Variants in KYNU observed in about 807,000 individuals in gnomAD.
KYNU encodes kynureninase, also known as L-kynurenine hydrolase.
KYNU carries 54 observed loss-of-function variants against 59.2 expected under a neutral mutation model. That is an observed-to-expected ratio of 0.91 (90% confidence interval 0.73 to 1.14). KYNU has a LOEUF of 1.14. KYNU is among the 50% of genes most tolerant of loss of function. The pLI, the probability that KYNU is intolerant of heterozygous loss-of-function variation, is 0.00. For missense variants in KYNU, 567 were observed against 554.4 expected, an observed-to-expected ratio of 1.02 and a Z score of -0.23; for synonymous variants, 177 against 192.0, an observed-to-expected ratio of 0.92 and a Z score of 0.65.
rs1686372485 is a variant in KYNU at position 143,020,482 on chromosome 2, T to C, written c.903-9145T>C. ...CATTTCTAGTTTTATTCCCTTATGA[T>C]CAGAAAAGATACTTGATATGACTGC... is the stretch of plus-strand genomic sequence containing the variant. On this transcript the variant is annotated intron_variant, in intron 10 of 13. Transcript: ENST00000264170. Among the ~76,000 whole-genome samples the C allele has an allele frequency of 5.3e-5, 8 of 152,162 alleles. 1 individual carries two copies. Among genetic ancestry groups the C allele is most frequent in the Admixed American group, 5.2e-4 (8 of 15,274 alleles).
At chr2:142,903,373 G>A (rs183923993) in intron 2 of KYNU, among the ~76,000 whole-genome samples, 2 of 152,186 alleles carry the variant, frequency 1.3e-5, no homozygotes, top group African/African-American at 4.8e-5. Context: ...CTTTTCCTAT[G>A]TTCAGGTGTA....
intron 13 of KYNU, among the ~76,000 whole-genome samples, chr2:143,041,188 C>T (rs1687033512): frequency 6.6e-6 from 1 of 151,992 alleles, no homozygotes; most frequent in Non-Finnish European, 1.5e-5. Flanking sequence ...ATATGACCTT[C>T]TTGGTCTCTT....
At chr2:142,921,965 C>T (rs1682899721) in intron 3 of KYNU, among the ~76,000 whole-genome samples, 1 of 152,072 alleles carries the variant, frequency 6.6e-6, no homozygotes, top group South Asian at 2.1e-4. Flanking sequence ...GTTCAGTTGC[C>T]TCTACATCCA....
At chr2:142,891,401 C>A (rs1168631918) in intron 2 of KYNU, among the ~76,000 whole-genome samples, 2 of 152,092 alleles carry the variant, frequency 1.3e-5, no homozygotes, top group Admixed American at 6.5e-5. Context: ...AAAAACGGTG[C>A]TGCTTTCAAT....
At chr2:142,934,295 G>A (rs960924313) in intron 4 of KYNU, among the ~76,000 whole-genome samples, 1 of 152,086 alleles carries the variant, frequency 6.6e-6, no homozygotes, top group African/African-American at 2.4e-5. Flanking sequence ...GTGTGGAAGT[G>A]TCCTAAACAG....
intron 1 of KYNU, among the ~76,000 whole-genome samples, chr2:142,884,987 C>T (rs1158707684): frequency 8.0e-6 from 1 of 125,760 alleles, no homozygotes; most frequent in Non-Finnish European, 1.6e-5. Context: ...GCCTGTAATC[C>T]CAGCACTTTG....
At chr2:142,964,050 T>G (rs1369354438) in intron 8 of KYNU, among the ~76,000 whole-genome samples, 3 of 152,046 alleles carry the variant, frequency 2.0e-5, no homozygotes, top group Non-Finnish European at 4.4e-5. Flanking sequence ...TTTTTTTTTG[T>G]GTTTGGCTTA....
chr2:142,906,864 C>A (rs1210227813), intron 2 of KYNU, among the ~76,000 whole-genome samples: 3 of 152,124 alleles, frequency 2.0e-5, no homozygotes, highest in African/African-American at 7.2e-5. Flanking sequence ...TCTAGTTGAC[C>A]CTTGGCATCC....
intron 6 of KYNU, among the ~76,000 whole-genome samples, chr2:142,957,410 C>T (rs1171418281): frequency 1.3e-5 from 2 of 151,974 alleles, no homozygotes; most frequent in Non-Finnish European, 2.9e-5. Flanking sequence ...CTTATAATTC[C>T]TTAAGTCAAG....
At chr2:142,915,274 C>T (rs1573784869) in intron 2 of KYNU, among the ~76,000 whole-genome samples, 1 of 152,268 alleles carries the variant, frequency 6.6e-6, no homozygotes, top group East Asian at 1.9e-4. Flanking sequence ...TTCATGAACT[C>T]AGAAAAAATA....
rs1365844808 is a variant in KYNU, at chr2:143,051,114, T to G, written c.*8942T>G. On this transcript the variant is annotated 3_prime_UTR_variant, in exon 14 of 14. Transcript: ENST00000264170. ...ATGGAGGTCATTGTGAAGTAGTGGA[T>G]GTAAATAGATCTGATGTGGTTTTGG... 1 of 152,236 alleles carries G rather than the reference T, an allele frequency of 6.6e-6. No individual in the cohort carries two copies. Among genetic ancestry groups the G allele is most frequent in the Admixed American group, 6.5e-5 (1 of 15,286 alleles). 9.4% of individuals were successfully genotyped at this position (152,236 alleles called of 1,614,324 possible).
At chr2:142,977,603 A>G (rs911377186) in intron 8 of KYNU, among the ~76,000 whole-genome samples, 1 of 151,774 alleles carries the variant, frequency 6.6e-6, no homozygotes, top group African/African-American at 2.4e-5. Flanking sequence ...CTATTGTTTC[A>G]TGTTTTAATA....
At chr2:142,988,470 G>A (rs1685289813) in intron 10 of KYNU, among the ~76,000 whole-genome samples, 1 of 151,858 alleles carries the variant, frequency 6.6e-6, no homozygotes, top group South Asian at 2.1e-4. Context: ...TCTCTTATAT[G>A]CTATAAGAAA....
intron 3 of KYNU, among the ~76,000 whole-genome samples, chr2:142,924,428 A>G (rs935938968): frequency 1.3e-5 from 2 of 152,134 alleles, no homozygotes; most frequent in African/African-American, 2.4e-5. Flanking sequence ...TTATTGGCTA[A>G]TCATCAATTG....
At chr2:142,920,761 G>T (rs1305463600) in intron 3 of KYNU, among the ~76,000 whole-genome samples, 1 of 152,062 alleles carries the variant, frequency 6.6e-6, no homozygotes, top group African/African-American at 2.4e-5. Flanking sequence ...TTCCATCCTC[G>T]CTTTGTTTAT....
rs560742675 is a variant in KYNU at position 143,037,060 on chromosome 2, A to G, written c.1042-3368A>G. On this transcript the variant is annotated intron_variant, in intron 12 of 13. Transcript: ENST00000264170. ...ACATGTGTATATGGTTGATTGATAT[A>G]AAAAATAGCACATTGTAATCAGTTT... Among the ~76,000 whole-genome samples, 13 of 152,188 alleles carry G rather than the reference A, an allele frequency of 8.5e-5. No individual in the cohort carries two copies. The South Asian group carries it at 1.7e-3, about 19-fold the overall frequency.
At chr2:142,880,965 A>G (rs1681275141) in intron 1 of KYNU, among the ~76,000 whole-genome samples, 1 of 152,238 alleles carries the variant, frequency 6.6e-6, no homozygotes, top group South Asian at 2.1e-4. Flanking sequence ...AGAATGTATT[A>G]TTATCGTAAG....
intron 4 of KYNU, among the ~76,000 whole-genome samples, chr2:142,934,147 C>G (rs553404528): frequency 6.6e-6 from 1 of 151,996 alleles, no homozygotes; most frequent in South Asian, 2.1e-4. Context: ...GTGGAGTAGG[C>G]GACTGGTGAG....
At chr2:142,946,838 A>G (rs776587275) in intron 4 of KYNU, among the ~76,000 whole-genome samples, 5 of 152,176 alleles carry the variant, frequency 3.3e-5, no homozygotes, top group Non-Finnish European at 5.9e-5. Context: ...TCTTCTTCCA[A>G]TAGAGGACTC....
Sources: allele counts gnomAD v4.1 joint callset (sites outside exome capture counted in the v4.1 genomes callset), GRCh38; gene constraint gnomAD v4.1.1; transcripts MANE v1.5; gene names NCBI Gene and HGNC (gene_info 2026-07-23, HGNC 2026-07-21).